The following NME7 variants were observed in gnomAD, a reference collection of about 807,000 sequenced individuals.
NME7 encodes the protein NME/NM23 family member 7, also known as nucleoside diphosphate kinase 7.
A neutral mutation model predicts 49.1 loss-of-function variants in NME7; 41 were observed. The ratio of observed to expected loss-of-function variants is 0.83; its 90% CI spans 0.65 to 1.08. The LOEUF (loss-of-function observed/expected upper bound fraction) is 1.08, where lower values mean the gene tolerates loss of function less well. Ranked by LOEUF, NME7 falls within the 50% of genes least tolerant of loss-of-function variation. NME7 has a pLI of 0.00. For missense variants in NME7, 423 were observed against 463.4 expected, an observed-to-expected ratio of 0.91 and a Z score of 0.80; for synonymous variants, 139 against 150.6, an observed-to-expected ratio of 0.92 and a Z score of 0.56.
chr1:169,293,861 A>G (rs941647912), intron 6 of NME7, among the ~76,000 whole-genome samples: 1 of 152,112 alleles, frequency 6.6e-6, no homozygotes, highest in African/African-American at 2.4e-5. Context: ...ATTCTCTAAA[A>G]TAAATATTTA....
intron 9 of NME7, among the ~76,000 whole-genome samples, chr1:169,231,094 T>C (rs1033692748): frequency 6.6e-6 from 1 of 152,184 alleles, no homozygotes; most frequent in African/African-American, 2.4e-5. Flanking sequence ...ATATCTTCCT[T>C]GCAAAGGCCT....
At chr1:169,142,407 T>TC (rs1658621689) in intron 11 of NME7, among the ~76,000 whole-genome samples, 1 of 152,218 alleles carries the variant, frequency 6.6e-6, no homozygotes, top group African/African-American at 2.4e-5. Flanking sequence ...TTTCTAGTCT[T>TC]CAAGTTTTAG....
chr1:169,212,188 T>C (rs1660844256), intron 10 of NME7, among the ~76,000 whole-genome samples: 1 of 152,158 alleles, frequency 6.6e-6, no homozygotes, highest in Non-Finnish European at 1.5e-5. Flanking sequence ...AGCCAGAATA[T>C]TTTATTAAAT....
At chr1:169,132,862 G>GTCTT (rs773520270) in intron 11 of NME7, 45 bp from the exon 12 acceptor site, 14 of 1,586,034 alleles carry the variant, frequency 8.8e-6, no homozygotes, top group South Asian at 3.3e-5. Flanking sequence ...ACAAATTTTG[G>GTCTT]TCTTTTCCAC....
intron 7 of NME7, among the ~76,000 whole-genome samples, chr1:169,239,724 G>A (rs2001155): frequency 0.09 from 13,628 of 152,018 alleles, 745 homozygotes; most frequent in Admixed American, 0.19. Flanking sequence ...ATGCCAAGAG[G>A]CATTTGGAGA....
chr1:169,196,278 A>G (rs9988604), intron 10 of NME7, among the ~76,000 whole-genome samples: 16,548 of 152,122 alleles, frequency 0.11, 955 homozygotes, highest in East Asian at 0.17. Flanking sequence ...AAGCGCAACC[A>G]TTTCTTTTGA....
At chr1:169,359,718 T>C (rs1232909430) in intron 1 of NME7, among the ~76,000 whole-genome samples, 1 of 151,938 alleles carries the variant, frequency 6.6e-6, no homozygotes, top group Non-Finnish European at 1.5e-5. Flanking sequence ...ATTGAAACTA[T>C]GGAAAACAAA....
rs773260598 is a variant in NME7, at chr1:169,132,741, T to G, written c.*44A>C. On this transcript the variant is annotated 3_prime_UTR_variant, in exon 12 of 12. Coordinates refer to ENST00000367811, the MANE Select transcript of NME7 (RefSeq NM_013330.5). ...CACATTCCTCGTGTGTGATTCACTC[T>G]TGTCTAAATGTCCCAACCTGTGACT... 74 of 1,580,260 alleles carry G rather than the reference T, an allele frequency of 4.7e-5. No individual in the cohort carries two copies. Among genetic ancestry groups the G allele is most frequent in the Non-Finnish European group, 6.3e-5 (72 of 1,151,484 alleles).
intron 10 of NME7, among the ~76,000 whole-genome samples, chr1:169,213,495 T>C (rs370398668): frequency 1.3e-5 from 2 of 152,330 alleles, no homozygotes; most frequent in East Asian, 3.9e-4. Context: ...AGTTGTATTA[T>C]TCCCCTTTAA....
At chr1:169,298,831 G>A (rs1650819774) in intron 5 of NME7, 68 bp from the exon 6 acceptor site, 10 of 1,214,810 alleles carry the variant, frequency 8.2e-6, no homozygotes, top group Admixed American at 2.0e-5. Context: ...TTAACGACAG[G>A]ATATATTTAA....
chr1:169,366,942 T>G (rs1653886913), intron 1 of NME7, among the ~76,000 whole-genome samples: 1 of 152,190 alleles, frequency 6.6e-6, no homozygotes, highest in Admixed American at 6.5e-5. Flanking sequence ...TCCAGTCCGT[T>G]ATCCATAAGT....
intron 10 of NME7, among the ~76,000 whole-genome samples, chr1:169,188,115 T>C (rs12126032): frequency 0.37 from 56,395 of 152,062 alleles, 11,039 homozygotes; most frequent in East Asian, 0.73. Flanking sequence ...CAGAGAGATC[T>C]GCTGTTAGTT....
At chr1:169,290,438 G>C (rs968621029) in intron 6 of NME7, among the ~76,000 whole-genome samples, 1 of 152,076 alleles carries the variant, frequency 6.6e-6, no homozygotes, top group Non-Finnish European at 1.5e-5. Flanking sequence ...TTAATAAATG[G>C]TATTGGGAAA....
chr1:169,336,357 T>G (rs1184178789), intron 1 of NME7, among the ~76,000 whole-genome samples: 1 of 151,642 alleles, frequency 6.6e-6, no homozygotes, highest in Admixed American at 6.7e-5. Flanking sequence ...CACAGCTAGC[T>G]CAGGCAGCCT....
chr1:169,162,507 T>G (rs1659279428), intron 11 of NME7, among the ~76,000 whole-genome samples: 1 of 152,186 alleles, frequency 6.6e-6, no homozygotes, highest in Non-Finnish European at 1.5e-5. Flanking sequence ...ACATGTATTC[T>G]GTTTACTGCT....
At position 169,138,299 on chromosome 1, in the gene NME7, A is replaced by G. The variant is rs183935454; in HGVS notation, c.1099-5482T>C. Among the ~76,000 whole-genome samples, 1,058 of 146,768 alleles carry G rather than the reference A, an allele frequency of 7.2e-3. 15 individuals carry two copies. The highest frequency in any genetic ancestry group is 0.025 in the African/African-American group (995 of 40,590). ...GCACTCCAACCTGGGTGACAGGGCGAGACTCCTCAAAAAAATAAATAAATA... is the reference window on the plus strand; with the variant it reads ...GCACTCCAACCTGGGTGACAGGGCGGGACTCCTCAAAAAAATAAATAAATA... On this transcript the variant is annotated intron_variant, in intron 11 of 11. Coordinates refer to ENST00000367811, the MANE Select transcript of NME7 (RefSeq NM_013330.5).
chr1:169,152,053 T>C (rs1161015956), intron 11 of NME7, among the ~76,000 whole-genome samples: 1 of 152,214 alleles, frequency 6.6e-6, no homozygotes, highest in Non-Finnish European at 1.5e-5. Context: ...TTAAGTAAGT[T>C]CTGACAGTGA....
At chr1:169,162,363 A>T (rs1441664608) in intron 11 of NME7, among the ~76,000 whole-genome samples, 1 of 152,164 alleles carries the variant, frequency 6.6e-6, no homozygotes, top group South Asian at 2.1e-4. Context: ...TTTTATAATC[A>T]CAAAAGTGGT....
chr1:169,347,619 C>T (rs1001444955), intron 1 of NME7, among the ~76,000 whole-genome samples: 2 of 152,096 alleles, frequency 1.3e-5, no homozygotes, highest in African/African-American at 4.8e-5. Flanking sequence ...TCCCTCCTCT[C>T]GTATTCTTTT....
Sources: gnomAD v4.1 joint callset for allele counts (sites outside exome capture counted in the v4.1 genomes callset) on GRCh38, gnomAD v4.1.1 for gene constraint, MANE v1.5 for transcripts, NCBI Gene and HGNC (gene_info 2026-07-23, HGNC 2026-07-21) for gene names.